Variants in OSBP2 observed in about 807,000 individuals in gnomAD.
OSBP2 encodes the protein oxysterol binding protein 2, also known as oxysterol-binding protein 2.
In OSBP2, 66 loss-of-function variants were observed where a neutral mutation model predicts 96.0. That is an observed-to-expected ratio of 0.69 (90% CI 0.56 to 0.84). The LOEUF is 0.84. OSBP2 is among the 40% of genes least tolerant of loss of function. The pLI is 0.00. For synonymous variants in OSBP2, 525 were observed against 520.9 expected (o/e 1.01, Z -0.11); for missense variants, 1,038 against 1,222.7 (o/e 0.85, Z 2.25).
At chr22:30,805,633 A>G (rs1569131356) in intron 2 of OSBP2, among the ~76,000 whole-genome samples, 2 of 152,308 alleles carry the variant, frequency 1.3e-5, no homozygotes, top group East Asian at 3.9e-4. Context: ...TTAAAGGAAC[A>G]TGAGTGTGTG....
chr22:30,797,612 T>A (rs1015482031), intron 2 of OSBP2, among the ~76,000 whole-genome samples: 1 of 142,626 alleles, frequency 7.0e-6, no homozygotes, highest in Non-Finnish European at 1.5e-5. Flanking sequence ...AATTTTTTTT[T>A]TTTTTTAGAC....
intron 2 of OSBP2, among the ~76,000 whole-genome samples, chr22:30,794,129 A>C (rs2090720083): frequency 1.3e-5 from 2 of 152,098 alleles, no homozygotes; most frequent in African/African-American, 2.4e-5. Context: ...TGGGAGGCCA[A>C]GGCAGGAAGA....
At chr22:30,726,747 G>T (rs535188574) in intron 1 of OSBP2, among the ~76,000 whole-genome samples, 27 of 152,196 alleles carry the variant, frequency 1.8e-4, no homozygotes, top group South Asian at 8.3e-4. Context: ...TACATTAGAA[G>T]TGTCCTTGTA....
intron 2 of OSBP2, among the ~76,000 whole-genome samples, chr22:30,797,473 G>A (rs991036657): frequency 3.9e-5 from 6 of 152,058 alleles, no homozygotes; most frequent in Non-Finnish European, 8.8e-5. Context: ...TAGTAGAGAC[G>A]GGGTTTCACC....
At chr22:30,905,779 G>C in intron 12 of OSBP2, 58 bp from the exon 13 acceptor site, 1 of 1,597,752 alleles carries the variant, frequency 6.3e-7, no homozygotes, top group Non-Finnish European at 8.5e-7. Flanking sequence ...AGGGCGGCCG[G>C]GTAGGTGTGG....
chr22:30,754,123 TAG>T (rs2090112663), intron 2 of OSBP2, among the ~76,000 whole-genome samples: 1 of 152,028 alleles, frequency 6.6e-6, no homozygotes, highest in Non-Finnish European at 1.5e-5. Context: ...GGGGAAAAAA[TAG>T]ATTTTCCTTT....
intron 1 of OSBP2, among the ~76,000 whole-genome samples, chr22:30,738,716 G>A (rs1345792272): frequency 6.6e-6 from 1 of 151,848 alleles, no homozygotes; most frequent in African/African-American, 2.4e-5. Context: ...ACCCGCCACC[G>A]TGCCCGGCTA....
intron 3 of OSBP2, among the ~76,000 whole-genome samples, chr22:30,875,934 G>A (rs561805361): frequency 6.6e-6 from 1 of 152,362 alleles, no homozygotes; most frequent in East Asian, 1.9e-4. Flanking sequence ...GTGACAGGCT[G>A]CCAGGCATGT....
intron 2 of OSBP2, among the ~76,000 whole-genome samples, chr22:30,855,608 C>T (rs1328139186): frequency 3.3e-5 from 5 of 152,224 alleles, no homozygotes; most frequent in Non-Finnish European, 7.3e-5. Context: ...GCCCTCTGGT[C>T]CTAAGCAGCC....
rs56875088 is a variant in OSBP2, at chr22:30,856,373, C to CTTTTTTTTTTT, written c.854-14036_854-14026dup. ...CTTGGCAGTTGGAAACAGAGCCCTT[C>CTTTTTTTTTTT]TTTTTTTTTTTTTTTTTTTTTTTTT... On this transcript the variant is annotated intron_variant, in intron 2 of 13. Coordinates refer to ENST00000332585, the MANE Select transcript of OSBP2 (RefSeq NM_030758.4). Among the ~76,000 whole-genome samples, 303 of 101,406 alleles carry CTTTTTTTTTTT rather than the reference C, an allele frequency of 3.0e-3. 14 individuals are homozygous for CTTTTTTTTTTT. Among genetic ancestry groups the CTTTTTTTTTTT allele is most frequent in the Non-Finnish European group, 3.9e-3 (195 of 50,118 alleles). The allele number at this position is 101,406 out of a possible 152,430, so 66.5% of individuals were successfully genotyped here.
intron 1 of OSBP2, among the ~76,000 whole-genome samples, chr22:30,707,182 C>T (rs1279364951): frequency 1.3e-5 from 2 of 151,980 alleles, no homozygotes; most frequent in Non-Finnish European, 2.9e-5. Flanking sequence ...CTGCAACCTC[C>T]GCCTCCCGTG....
At chr22:30,837,726 G>A (rs1366306889) in intron 2 of OSBP2, among the ~76,000 whole-genome samples, 4 of 152,168 alleles carry the variant, frequency 2.6e-5, no homozygotes, top group Admixed American at 1.3e-4. Context: ...GGTGAGCAAA[G>A]CCCAGGGTGC....
At chr22:30,830,662 T>G (rs1387602862) in intron 2 of OSBP2, among the ~76,000 whole-genome samples, 1 of 152,220 alleles carries the variant, frequency 6.6e-6, no homozygotes, top group Non-Finnish European at 1.5e-5. Flanking sequence ...CCAGCACACA[T>G]GCTTTGTTTT....
chr22:30,788,833 C>T (rs917014587), intron 2 of OSBP2, among the ~76,000 whole-genome samples: 16 of 152,158 alleles, frequency 1.1e-4, no homozygotes, highest in Non-Finnish European at 1.9e-4. Flanking sequence ...CTGCCTCAGC[C>T]TTCCGAGTAG....
chr22:30,781,641 G>A (rs768476095), intron 2 of OSBP2, among the ~76,000 whole-genome samples: 3 of 152,174 alleles, frequency 2.0e-5, no homozygotes, highest in Admixed American at 6.5e-5. Context: ...CCAGGGAGCC[G>A]CATCTGCCCA....
chr22:30,907,422 C>G lies in OSBP2; in HGVS notation c.*1083C>G, dbSNP rs1270150366. On this transcript the variant is annotated 3_prime_UTR_variant, in exon 14 of 14. Transcript: ENST00000332585. Reference sequence around the variant, plus strand: ...AAATGATGAAGACGGGTGCACCTGTCTGAGTTTGGCCCTCATGTGAGCTGT... The same window carrying G: ...AAATGATGAAGACGGGTGCACCTGTGTGAGTTTGGCCCTCATGTGAGCTGT... The G allele has an allele frequency of 6.6e-6, 1 of 151,496 alleles. No homozygotes were observed. Among genetic ancestry groups the G allele is most frequent in the Non-Finnish European group, 1.5e-5 (1 of 67,484 alleles). The allele number at this position is 151,496 out of a possible 1,614,324, so 9.4% of individuals were successfully genotyped here. A position where few individuals can be genotyped will look rare whatever the true frequency, so the allele number is the denominator to read the frequency against.
intron 2 of OSBP2, among the ~76,000 whole-genome samples, chr22:30,804,062 G>A (rs1405292110): frequency 1.3e-5 from 2 of 152,110 alleles, no homozygotes; most frequent in African/African-American, 4.8e-5. Context: ...CTCTGCCTTC[G>A]ACCCTACCAG....
At chr22:30,710,687 T>A (rs1350715630) in intron 1 of OSBP2, among the ~76,000 whole-genome samples, 1 of 152,072 alleles carries the variant, frequency 6.6e-6, no homozygotes, top group Non-Finnish European at 1.5e-5. Context: ...CTCAGCTCAC[T>A]GTAACCTCCA....
At chr22:30,741,970 C>A (rs916221761) in intron 2 of OSBP2, among the ~76,000 whole-genome samples, 7 of 151,918 alleles carry the variant, frequency 4.6e-5, no homozygotes, top group African/African-American at 1.4e-4. Context: ...TAGGCGCACA[C>A]CACCATGCCC....
Sources: allele counts gnomAD v4.1 joint callset (sites outside exome capture counted in the v4.1 genomes callset), GRCh38; gene constraint gnomAD v4.1.1; transcripts MANE v1.5; gene names NCBI Gene and HGNC (gene_info 2026-07-23, HGNC 2026-07-21).